Variants in LRRC37A2 observed in about 807,000 individuals in gnomAD.
LRRC37A2 encodes leucine-rich repeat-containing protein 37A2.
Under a neutral mutation model 68.8 loss-of-function variants are expected in LRRC37A2, and 9 were observed. The observed-to-expected ratio is 0.13, with a 90% CI of 0.08 to 0.23. The LOEUF is 0.23. Ranked by LOEUF, LRRC37A2 falls within the 10% of genes least tolerant of loss-of-function variation. LRRC37A2 has a pLI of 1.00. For missense variants in LRRC37A2, 168 were observed against 950.4 expected, an observed-to-expected ratio of 0.18 and a Z score of 10.82; for synonymous variants, 63 against 367.6, an observed-to-expected ratio of 0.17 and a Z score of 9.48.
chr17:46,723,573 G>T, the LRRC37A2 span, among the ~76,000 whole-genome samples: 1 of 152,040 alleles, frequency 6.6e-6, no homozygotes, highest in African/African-American at 2.4e-5. Flanking sequence ...AAGATAAAAG[G>T]CCCTTCCCTT....
the LRRC37A2 span, chr17:47,027,582 T>A: frequency 2.9e-6 from 4 of 1,357,060 alleles, no homozygotes; most frequent in African/African-American, 4.3e-5. Flanking sequence ...TAAAATACAG[T>A]CTATTGAAAG....
the LRRC37A2 span, chr17:46,874,919 G>A: frequency 1.1e-6 from 1 of 895,056 alleles, no homozygotes; most frequent in Non-Finnish European, 1.8e-6. Flanking sequence ...CAGAATTTAA[G>A]GGGCAGTTGA....
At chr17:46,769,146 G>A in the LRRC37A2 span, among the ~76,000 whole-genome samples, 2 of 151,898 alleles carry the variant, frequency 1.3e-5, no homozygotes, top group Non-Finnish European at 2.9e-5. Context: ...GCGAAACCCC[G>A]TCTCTACTAA....
chr17:46,551,308 C>G (rs2056792065), intron 11 of LRRC37A2, among the ~76,000 whole-genome samples: 5 of 150,114 alleles, frequency 3.3e-5, no homozygotes. Flanking sequence ...ATTACTTTTC[C>G]CAACAGGCCA....
At chr17:46,922,402 C>A in the LRRC37A2 span, among the ~76,000 whole-genome samples, 1 of 152,174 alleles carries the variant, frequency 6.6e-6, no homozygotes, top group African/African-American at 2.4e-5. Flanking sequence ...TTAATGGGTG[C>A]AGCACACCAA....
At chr17:46,746,571 C>A in the LRRC37A2 span, among the ~76,000 whole-genome samples, 1 of 151,968 alleles carries the variant, frequency 6.6e-6, no homozygotes, top group Non-Finnish European at 1.5e-5. Flanking sequence ...TTACTGAAGA[C>A]TTATCTATGG....
chr17:46,943,318 T>A, the LRRC37A2 span, among the ~76,000 whole-genome samples: 3 of 152,202 alleles, frequency 2.0e-5, no homozygotes, highest in Non-Finnish European at 2.9e-5. Flanking sequence ...AGCACCTTGA[T>A]GTGACAGGCC....
the LRRC37A2 span, among the ~76,000 whole-genome samples, chr17:46,824,190 C>G: frequency 6.6e-6 from 1 of 152,208 alleles, no homozygotes; most frequent in African/African-American, 2.4e-5. Context: ...TGTCAGGCCT[C>G]TTATTCAGCT....
At chr17:46,851,528 G>C in the LRRC37A2 span, 1 of 502,848 alleles carries the variant, frequency 2.0e-6, no homozygotes, top group East Asian at 4.0e-5. This position sits in a 1 kb window ranked among gnomAD's most constrained non-coding sequence, Gnocchi z 4.3. Flanking sequence ...TCCTTTCCCA[G>C]CGCCGCCTGC....
chr17:46,851,409 G>A, the LRRC37A2 span, among the ~76,000 whole-genome samples: 1 of 151,256 alleles, frequency 6.6e-6, no homozygotes, highest in Non-Finnish European at 1.5e-5. This position sits in a 1 kb window ranked among gnomAD's most constrained non-coding sequence, Gnocchi z 4.3. Flanking sequence ...GGGGAGGGGC[G>A]GGGGCGGTCC....
At chr17:46,845,704 G>A in the LRRC37A2 span, among the ~76,000 whole-genome samples, 3 of 150,902 alleles carry the variant, frequency 2.0e-5, no homozygotes, top group African/African-American at 7.3e-5. Context: ...TGGCCAGGCT[G>A]CTCTCAAACT....
the LRRC37A2 span, among the ~76,000 whole-genome samples, chr17:46,751,278 G>A: frequency 3.9e-5 from 6 of 152,026 alleles, no homozygotes; most frequent in Non-Finnish European, 8.8e-5. Context: ...GTTACATAGC[G>A]GTCCATAAGA....
the LRRC37A2 span, among the ~76,000 whole-genome samples, chr17:46,750,303 A>G: frequency 6.6e-6 from 1 of 152,220 alleles, no homozygotes; most frequent in Non-Finnish European, 1.5e-5. Context: ...CAGTGAGCCA[A>G]GATTGTGCCA....
chr17:46,943,092 T>C, the LRRC37A2 span, among the ~76,000 whole-genome samples: 4 of 152,188 alleles, frequency 2.6e-5, no homozygotes, highest in Non-Finnish European at 4.4e-5. Flanking sequence ...GCGATTGTAA[T>C]GCCCAGGGGT....
chr17:46,492,384 TTATA>T, the LRRC37A2 span, among the ~76,000 whole-genome samples: 7 of 151,010 alleles, frequency 4.6e-5, no homozygotes, highest in Admixed American at 4.6e-4. Context: ...TAGCAGTCCT[TTATA>T]TGAGTGTATC....
At chr17:46,963,384 A>C in the LRRC37A2 span, among the ~76,000 whole-genome samples, 3 of 152,124 alleles carry the variant, frequency 2.0e-5, no homozygotes, top group African/African-American at 7.2e-5. Flanking sequence ...ATCTCTACTA[A>C]AAATAAAAAA....
the LRRC37A2 span, chr17:46,938,953 C>A: frequency 6.7e-7 from 1 of 1,483,042 alleles, no homozygotes; most frequent in Non-Finnish European, 9.0e-7. Context: ...GGAGCTAGTG[C>A]CACCACCATG....
chr17:46,817,723 C>T, the LRRC37A2 span, among the ~76,000 whole-genome samples: 2 of 151,894 alleles, frequency 1.3e-5, no homozygotes, highest in East Asian at 1.9e-4. Flanking sequence ...TTCTCCCTTC[C>T]CTCTCCCTTT....
At chr17:46,499,022 A>G in the LRRC37A2 span, among the ~76,000 whole-genome samples, 6 of 149,888 alleles carry the variant, frequency 4.0e-5, no homozygotes, top group Non-Finnish European at 7.4e-5. Context: ...GCAAATAGAA[A>G]GCACTCTATA....
Sources: gnomAD v4.1 joint callset for allele counts (sites outside exome capture counted in the v4.1 genomes callset) on GRCh38, gnomAD v4.1.1 for gene constraint, Gnocchi (gnomAD v3.1) non-coding constraint, MANE v1.5 for transcripts, NCBI Gene and HGNC (gene_info 2026-07-23, HGNC 2026-07-21) for gene names.